TAFA2: variants seen among roughly 807,000 people sequenced by gnomAD.
The protein encoded by TAFA2 is chemokine-like protein TAFA-2.
In TAFA2, 7 loss-of-function variants were observed where a neutral mutation model predicts 18.8. The ratio of observed to expected loss-of-function variants is 0.37; its 90% CI spans 0.21 to 0.70. TAFA2 has a LOEUF of 0.70. Among genes scored for constraint, TAFA2 ranks in the 30% least tolerant of loss-of-function variants. The probability of loss-of-function intolerance (pLI) is 0.53; values close to 1 mark genes in which losing one functional copy is unlikely to be tolerated. For synonymous variants in TAFA2, 60 were observed against 54.2 expected (o/e 1.11, Z -0.47); for missense variants, 122 against 158.1 (o/e 0.77, Z 1.23).
intron 1 of TAFA2, among the ~76,000 whole-genome samples, chr12:62,254,852 A>G (rs1210826249): frequency 6.6e-6 from 1 of 152,184 alleles, no homozygotes; most frequent in East Asian, 1.9e-4. Context: ...TTTGTGAGCA[A>G]TTTAAATCCT....
At chr12:62,158,124 C>A (rs2062384231) in intron 1 of TAFA2, among the ~76,000 whole-genome samples, 2 of 152,138 alleles carry the variant, frequency 1.3e-5, no homozygotes, top group African/African-American at 2.4e-5. Flanking sequence ...CAAATAAATT[C>A]TTTAAACCAC....
chr12:61,816,468 T>C (rs997756288), intron 2 of TAFA2, among the ~76,000 whole-genome samples: 9 of 151,442 alleles, frequency 5.9e-5, no homozygotes, highest in African/African-American at 2.2e-4. Context: ...TTTTGAATAG[T>C]GCTGCAATGA....
intron 2 of TAFA2, among the ~76,000 whole-genome samples, chr12:61,808,349 C>A (rs150653111): frequency 2.0e-5 from 3 of 151,638 alleles, no homozygotes; most frequent in Admixed American, 6.5e-5. Flanking sequence ...CAATAAACCT[C>A]TTTTCTGTAA....
intron 1 of TAFA2, among the ~76,000 whole-genome samples, chr12:62,149,033 G>A (rs188748638): frequency 6.6e-6 from 1 of 152,290 alleles, no homozygotes; most frequent in East Asian, 1.9e-4. Context: ...CAGTACCTCA[G>A]CTAGAATGGA....
intron 1 of TAFA2, among the ~76,000 whole-genome samples, chr12:61,925,696 A>G (rs1877258805): frequency 6.6e-6 from 1 of 152,208 alleles, no homozygotes; most frequent in South Asian, 2.1e-4. Flanking sequence ...TGACACAGCT[A>G]AAGTAGTGTG....
intron 1 of TAFA2, among the ~76,000 whole-genome samples, chr12:61,941,604 C>T (rs1468270347): frequency 6.6e-6 from 1 of 152,164 alleles, no homozygotes; most frequent in Non-Finnish European, 1.5e-5. Flanking sequence ...GTGCACCGTG[C>T]GTGAGCCGAA....
intron 4 of TAFA2, among the ~76,000 whole-genome samples, chr12:61,742,544 T>C (rs7488105): frequency 0.36 from 55,008 of 151,918 alleles, 10,047 homozygotes; most frequent in African/African-American, 0.42. Flanking sequence ...TCCTTACAGG[T>C]ACTTTCTTCC....
chr12:61,999,507 G>T (rs758386671), intron 1 of TAFA2, among the ~76,000 whole-genome samples: 1 of 152,166 alleles, frequency 6.6e-6, no homozygotes, highest in South Asian at 2.1e-4. Flanking sequence ...TAGGCCATTC[G>T]TTCATTCATT....
intron 1 of TAFA2, among the ~76,000 whole-genome samples, chr12:61,912,569 A>G (rs905564218): frequency 6.6e-6 from 1 of 152,218 alleles, no homozygotes; most frequent in Admixed American, 6.5e-5. Context: ...AAGTTTTAGT[A>G]GTAGAAAAAC....
chr12:62,013,888 G>T (rs1046439516), intron 1 of TAFA2, among the ~76,000 whole-genome samples: 1 of 152,060 alleles, frequency 6.6e-6, no homozygotes, highest in African/African-American at 2.4e-5. Context: ...TTGGTATAAT[G>T]GCAACAGGTT....
At chr12:61,965,086 C>G (rs1313139793) in intron 1 of TAFA2, among the ~76,000 whole-genome samples, 1 of 151,826 alleles carries the variant, frequency 6.6e-6, no homozygotes, top group Non-Finnish European at 1.5e-5. Flanking sequence ...AGGTTAGCTT[C>G]TATGAAATGT....
At chr12:61,895,441 A>C (rs1177890224) in intron 1 of TAFA2, among the ~76,000 whole-genome samples, 1 of 152,158 alleles carries the variant, frequency 6.6e-6, no homozygotes, top group African/African-American at 2.4e-5. Flanking sequence ...AAAAAGTGAA[A>C]CAGTTCTCCC....
chr12:61,926,043 C>T (rs1015154598), intron 1 of TAFA2, among the ~76,000 whole-genome samples: 6 of 152,094 alleles, frequency 3.9e-5, no homozygotes, highest in Non-Finnish European at 1.5e-5. Flanking sequence ...CACAGAAATA[C>T]AAACTACCAT....
chr12:62,190,002 T>C (rs1012341776), intron 1 of TAFA2, among the ~76,000 whole-genome samples: 1 of 151,272 alleles, frequency 6.6e-6, no homozygotes, highest in South Asian at 2.1e-4. Context: ...AGGTTTTTTT[T>C]CTCCACGAAC....
chr12:62,044,682 CA>C (rs1452669664), intron 1 of TAFA2, among the ~76,000 whole-genome samples: 1 of 152,112 alleles, frequency 6.6e-6, no homozygotes, highest in Non-Finnish European at 1.5e-5. Context: ...AGTCACGTGC[CA>C]AACAACATGG....
intron 1 of TAFA2, among the ~76,000 whole-genome samples, chr12:61,893,831 T>A (rs1035288122): frequency 2.0e-5 from 3 of 152,238 alleles, no homozygotes; most frequent in African/African-American, 7.2e-5. Context: ...GCTAAATGAA[T>A]GTTAGATAAT....
chr12:62,056,315 T>C (rs1882187106), intron 1 of TAFA2, among the ~76,000 whole-genome samples: 1 of 152,124 alleles, frequency 6.6e-6, no homozygotes, highest in Non-Finnish European at 1.5e-5. Flanking sequence ...AACCAATATT[T>C]CCTCTAATTT....
intron 1 of TAFA2, chr12:61,879,369 C>A: frequency 1.3e-6 from 1 of 741,380 alleles, no homozygotes; most frequent in East Asian, 3.1e-5. Flanking sequence ...CTCTGGCCCC[C>A]GGGCCTTCAG....
At chr12:61,765,573 A>G (rs1869754355) in intron 2 of TAFA2, among the ~76,000 whole-genome samples, 1 of 152,138 alleles carries the variant, frequency 6.6e-6, no homozygotes, top group South Asian at 2.1e-4. Context: ...ACGGAAATAT[A>G]TAATTTGAGA....
Sources: allele counts gnomAD v4.1 joint callset (sites outside exome capture counted in the v4.1 genomes callset), GRCh38; gene constraint gnomAD v4.1.1; transcripts MANE v1.5; gene names NCBI Gene and HGNC (gene_info 2026-07-23, HGNC 2026-07-21).